Variants in EEFSEC observed in about 807,000 individuals in gnomAD.
EEFSEC encodes eukaryotic elongation factor, selenocysteine-tRNA specific.
In EEFSEC, 43 loss-of-function variants were observed where a neutral mutation model predicts 42.1. The observed-to-expected ratio is 1.02, with a 90% CI of 0.80 to 1.32. The LOEUF is 1.32. EEFSEC is among the 40% of genes most tolerant of loss of function. The probability of loss-of-function intolerance (pLI) is 0.00; values close to 1 mark genes in which losing one functional copy is unlikely to be tolerated. For synonymous variants in EEFSEC, 354 were observed against 339.1 expected, an observed-to-expected ratio of 1.04 and a Z score of -0.48; for missense variants, 745 against 803.6, an observed-to-expected ratio of 0.93 and a Z score of 0.88.
intron 1 of EEFSEC, among the ~76,000 whole-genome samples, chr3:128,194,446 A>G (rs541606676): frequency 6.6e-6 from 1 of 152,346 alleles, no homozygotes; most frequent in South Asian, 2.1e-4. Context: ...TGTTTTAACA[A>G]TAAGTTATTA....
chr3:128,327,356 C>A (rs1361712342), intron 4 of EEFSEC, among the ~76,000 whole-genome samples: 1 of 148,802 alleles, frequency 6.7e-6, no homozygotes, highest in Non-Finnish European at 1.5e-5. Flanking sequence ...TCATTCCAGA[C>A]CCAATTCAGA....
chr3:128,232,567 G>T (rs9856329), intron 1 of EEFSEC, among the ~76,000 whole-genome samples: 13,973 of 152,214 alleles, frequency 0.092, 834 homozygotes, highest in Non-Finnish European at 0.13. Flanking sequence ...TGGTTAAAAT[G>T]GGGGGAAGGG....
At chr3:128,326,661 G>C (rs1035667359) in intron 4 of EEFSEC, among the ~76,000 whole-genome samples, 3 of 152,158 alleles carry the variant, frequency 2.0e-5, no homozygotes, top group Non-Finnish European at 4.4e-5. Flanking sequence ...GCCTCCCCCA[G>C]AGTCTGCCTC....
At chr3:128,391,128 G>C (rs867635234) in intron 6 of EEFSEC, among the ~76,000 whole-genome samples, 1 of 152,202 alleles carries the variant, frequency 6.6e-6, no homozygotes, top group Non-Finnish European at 1.5e-5. Flanking sequence ...CCCCGCCCCC[G>C]GTGCATGCCT....
At chr3:128,240,696 C>T (rs886394816) in intron 1 of EEFSEC, among the ~76,000 whole-genome samples, 2 of 152,230 alleles carry the variant, frequency 1.3e-5, no homozygotes, top group African/African-American at 4.8e-5. Context: ...GCTCTCTCTG[C>T]AGAATGGGCT....
chr3:128,425,436 G>A, the EEFSEC span, among the ~76,000 whole-genome samples: 6 of 152,154 alleles, frequency 3.9e-5, no homozygotes, highest in African/African-American at 1.4e-4. Flanking sequence ...CCAGTTTGGG[G>A]TGACTGTGAC....
intron 6 of EEFSEC, among the ~76,000 whole-genome samples, chr3:128,372,165 T>A (rs1455084705): frequency 6.6e-6 from 1 of 152,186 alleles, no homozygotes; most frequent in Admixed American, 6.5e-5. Flanking sequence ...AATTAACATT[T>A]TAGGCAGTGG....
At chr3:128,323,120 A>G (rs1380364125) in intron 4 of EEFSEC, among the ~76,000 whole-genome samples, 1 of 152,206 alleles carries the variant, frequency 6.6e-6, no homozygotes, top group African/African-American at 2.4e-5. Flanking sequence ...GCTTTTGGGA[A>G]GAGCTGTCAC....
chr3:128,386,535 C>A (rs184088296), intron 6 of EEFSEC, among the ~76,000 whole-genome samples: 1 of 152,086 alleles, frequency 6.6e-6, no homozygotes, highest in Admixed American at 6.5e-5. Context: ...GAGGCCAGGC[C>A]TTCATGGTGG....
chr3:128,276,038 C>G (rs1436337426), intron 4 of EEFSEC, among the ~76,000 whole-genome samples: 1 of 152,212 alleles, frequency 6.6e-6, no homozygotes, highest in Admixed American at 6.5e-5. Flanking sequence ...GCCCTGCCAG[C>G]CTGTAAGTCC....
intron 1 of EEFSEC, among the ~76,000 whole-genome samples, chr3:128,163,959 T>C (rs2065219500): frequency 6.7e-6 from 1 of 150,298 alleles, no homozygotes. Flanking sequence ...AAAACAAAAC[T>C]ATTTCTATTG....
chr3:128,302,556 T>C (rs929911327), intron 4 of EEFSEC, among the ~76,000 whole-genome samples: 3 of 152,188 alleles, frequency 2.0e-5, no homozygotes, highest in Non-Finnish European at 4.4e-5. Context: ...TCTAAAAACA[T>C]TTCTAATTTT....
At chr3:128,285,227 G>A (rs1412457328) in intron 4 of EEFSEC, among the ~76,000 whole-genome samples, 2 of 152,138 alleles carry the variant, frequency 1.3e-5, no homozygotes, top group African/African-American at 2.4e-5. Context: ...TGATGAGATG[G>A]GTGATGGTGC....
At chr3:128,289,047 G>A (rs2066615584) in intron 4 of EEFSEC, among the ~76,000 whole-genome samples, 1 of 152,200 alleles carries the variant, frequency 6.6e-6, no homozygotes, top group Non-Finnish European at 1.5e-5. Context: ...AGGAGCTACA[G>A]GGATATGTAC....
chr3:128,208,155 A>G (rs886471807), intron 1 of EEFSEC, among the ~76,000 whole-genome samples: 9 of 152,192 alleles, frequency 5.9e-5, no homozygotes, highest in African/African-American at 2.2e-4. Flanking sequence ...GGAGCAGCCC[A>G]CATAGTGTGG....
intron 4 of EEFSEC, among the ~76,000 whole-genome samples, chr3:128,323,787 C>T (rs1359739126): frequency 2.0e-5 from 3 of 152,228 alleles, no homozygotes. Context: ...CCTGGAAAAT[C>T]ACTTGGGCGG....
Position 128,290,790 on chromosome 3 carries a change from G to A in EEFSEC, c.786+26009G>A, listed in dbSNP as rs2066635505. Among the ~76,000 whole-genome samples the A allele has an allele frequency of 3.9e-5, 6 of 152,188 alleles. No homozygotes were observed. In the South Asian group the frequency reaches 1.2e-3, roughly 32 times the overall value. ...TGACAGAGTTGCACTCTGTTGCCCA[G>A]GCTGGAGTGCAATGGTGCAACCTCG... On this transcript the variant is annotated intron_variant, in intron 4 of 6. Coordinates refer to ENST00000254730, the MANE Select transcript of EEFSEC (RefSeq NM_021937.5).
intron 6 of EEFSEC, among the ~76,000 whole-genome samples, chr3:128,379,064 T>C (rs72977359): frequency 0.098 from 14,945 of 152,234 alleles, 1,733 homozygotes; most frequent in African/African-American, 0.28. Context: ...TTCTCCTGGG[T>C]GTCTTAGCCC....
intron 4 of EEFSEC, among the ~76,000 whole-genome samples, chr3:128,329,971 G>A (rs1310576980): frequency 6.6e-6 from 1 of 152,208 alleles, no homozygotes; most frequent in Non-Finnish European, 1.5e-5. Flanking sequence ...CCATGGCGGT[G>A]ATGGCTTTTC....
Sources: allele counts gnomAD v4.1 joint callset (sites outside exome capture counted in the v4.1 genomes callset), GRCh38; gene constraint gnomAD v4.1.1; transcripts MANE v1.5; gene names NCBI Gene and HGNC (gene_info 2026-07-23, HGNC 2026-07-21).